IL1RAPL1: variants seen among roughly 807,000 people sequenced by gnomAD.
IL1RAPL1 encodes the protein interleukin 1 receptor accessory protein like 1.
In IL1RAPL1, 3 loss-of-function variants were observed where a neutral mutation model predicts 48.4. The observed-to-expected ratio is 0.06, with a 90% CI of 0.03 to 0.16. IL1RAPL1 has a LOEUF of 0.16. Among genes scored for constraint, IL1RAPL1 ranks in the 10% least tolerant of loss-of-function variants. The pLI is 1.00. For missense variants in IL1RAPL1, 349 were observed against 530.6 expected (o/e 0.66, Z 3.36); for synonymous variants, 185 against 187.7 (o/e 0.99, Z 0.12).
chrX:29,302,630 G>A (rs1347659031), intron 3 of IL1RAPL1, among the ~76,000 whole-genome samples: 1 of 111,854 alleles, frequency 8.9e-6, no homozygotes, highest in Non-Finnish European at 1.9e-5. Flanking sequence ...GGTACAAAAC[G>A]GGAGAGCTGA....
intron 6 of IL1RAPL1, among the ~76,000 whole-genome samples, chrX:29,802,770 T>TGTATAC (rs1569172636): frequency 1.1e-3 from 27 of 25,663 alleles, no homozygotes; most frequent in African/African-American, 5.6e-3. Context: ...TATATATATA[T>TGTATAC]ATATATATAT....
chrX:28,959,797 G>A (rs1924719407), intron 2 of IL1RAPL1, among the ~76,000 whole-genome samples: 2 of 111,700 alleles, frequency 1.8e-5, no homozygotes, highest in African/African-American at 6.5e-5. Flanking sequence ...CTGAATCACT[G>A]ATTTGATTTT....
At chrX:29,521,792 A>T (rs1015932392) in intron 5 of IL1RAPL1, among the ~76,000 whole-genome samples, 2 of 112,052 alleles carry the variant, frequency 1.8e-5, no homozygotes, top group African/African-American at 6.5e-5. Flanking sequence ...GCTCCCTATA[A>T]TACTTTAAAT....
chrX:29,632,621 C>G (rs1924817583), intron 5 of IL1RAPL1, among the ~76,000 whole-genome samples: 1 of 111,886 alleles, frequency 8.9e-6, no homozygotes, highest in Admixed American at 9.5e-5. Flanking sequence ...AAATAGCATT[C>G]TTAATCTTAT....
At chrX:29,795,769 T>G (rs762821265) in intron 6 of IL1RAPL1, among the ~76,000 whole-genome samples, 1 of 112,907 alleles carries the variant, frequency 8.9e-6, no homozygotes, top group Admixed American at 9.3e-5. Flanking sequence ...AGAAATGTGT[T>G]GGTTGTTGAA....
At chrX:28,834,025 G>A (rs984146365) in intron 2 of IL1RAPL1, among the ~76,000 whole-genome samples, 4 of 111,979 alleles carry the variant, frequency 3.6e-5, no homozygotes, top group Non-Finnish European at 5.7e-5. Flanking sequence ...AAGTTTTCTT[G>A]TAATGAAATG....
intron 2 of IL1RAPL1, among the ~76,000 whole-genome samples, chrX:29,069,671 C>CA (rs1927524448): frequency 1.6e-5 from 1 of 63,856 alleles, no homozygotes; most frequent in African/African-American, 4.4e-5. Flanking sequence ...ACACACACAC[C>CA]CCTCCCCTTC....
intron 3 of IL1RAPL1, among the ~76,000 whole-genome samples, chrX:29,338,703 C>A (rs1044949922): frequency 9.0e-6 from 1 of 111,051 alleles, no homozygotes; most frequent in African/African-American, 3.3e-5. Context: ...CCCTCATCCC[C>A]TTCTTCTCTT....
At chrX:29,136,550 G>A (rs1328815339) in intron 2 of IL1RAPL1, among the ~76,000 whole-genome samples, 1 of 111,318 alleles carries the variant, frequency 9.0e-6, no homozygotes, top group Non-Finnish European at 1.9e-5. Flanking sequence ...ATTCTGGAGT[G>A]TAGTAGTGTG....
At chrX:29,208,005 AG>A (rs1290768240) in intron 2 of IL1RAPL1, among the ~76,000 whole-genome samples, 2 of 111,874 alleles carry the variant, frequency 1.8e-5, no homozygotes, top group African/African-American at 6.5e-5. Flanking sequence ...GAAATATGCA[AG>A]AGAGACAATT....
At position 29,194,625 on chromosome X, in the gene IL1RAPL1, C is replaced by T. The variant is rs183179436; in HGVS notation, c.83-88313C>T. Among the ~76,000 whole-genome samples, 11 of 111,952 alleles carry T rather than the reference C, an allele frequency of 9.8e-5. No individual in the cohort carries two copies. In the South Asian group the frequency reaches 1.1e-3, roughly 11 times the overall value. On this transcript the variant is annotated intron_variant, in intron 2 of 10. Transcript: ENST00000378993. ...GTGTTTCAGGTAAAAATATTTAAAA[C>T]GAGATTTGGTCTATAAAAAGTTGTT...
chrX:28,813,697 C>G (rs751487111), intron 2 of IL1RAPL1, among the ~76,000 whole-genome samples: 1 of 110,755 alleles, frequency 9.0e-6, no homozygotes, highest in African/African-American at 3.3e-5. Flanking sequence ...GCCCGTGGAG[C>G]TTGATGTGCT....
chrX:29,503,581 T>G (rs1252843778), intron 5 of IL1RAPL1, among the ~76,000 whole-genome samples: 1 of 112,158 alleles, frequency 8.9e-6, no homozygotes, highest in Middle Eastern at 4.6e-3. Context: ...AAGTTTTCAG[T>G]TGCCCTTTTA....
chrX:29,737,289 T>C (rs1186960949), intron 6 of IL1RAPL1, among the ~76,000 whole-genome samples: 1 of 111,669 alleles, frequency 9.0e-6, no homozygotes, highest in Non-Finnish European at 1.9e-5. Flanking sequence ...ACAATCAAGA[T>C]GGTTTGTAGA....
At chrX:29,713,117 A>G (rs1927394338) in intron 6 of IL1RAPL1, among the ~76,000 whole-genome samples, 1 of 111,983 alleles carries the variant, frequency 8.9e-6, no homozygotes, top group South Asian at 3.7e-4. Context: ...AATATTTATG[A>G]AGTACATACA....
At chrX:29,939,000 C>T (rs918246358) in intron 8 of IL1RAPL1, among the ~76,000 whole-genome samples, 1 of 112,206 alleles carries the variant, frequency 8.9e-6, no homozygotes, top group Non-Finnish European at 1.9e-5. Context: ...TTTAAGTTGT[C>T]TCTATTTGTG....
chrX:29,892,842 T>C (rs1305840189), intron 6 of IL1RAPL1, among the ~76,000 whole-genome samples: 1 of 112,241 alleles, frequency 8.9e-6, no homozygotes, highest in East Asian at 2.8e-4. Flanking sequence ...TTTACATAGA[T>C]TAACCTTGAG....
At chrX:28,738,126 T>G (rs911488938) in intron 1 of IL1RAPL1, among the ~76,000 whole-genome samples, 19 of 111,292 alleles carry the variant, frequency 1.7e-4, no homozygotes, top group Non-Finnish European at 3.2e-4. Flanking sequence ...TATACATTTC[T>G]TTGCATGTTT....
intron 5 of IL1RAPL1, among the ~76,000 whole-genome samples, chrX:29,592,874 C>T (rs1022859906): frequency 8.9e-6 from 1 of 111,792 alleles, no homozygotes; most frequent in Non-Finnish European, 1.9e-5. Context: ...GCTCCTTGCA[C>T]CAGGCCCACA....
Sources: allele counts gnomAD v4.1 joint callset (sites outside exome capture counted in the v4.1 genomes callset), GRCh38; gene constraint gnomAD v4.1.1; transcripts MANE v1.5; gene names NCBI Gene and HGNC (gene_info 2026-07-23, HGNC 2026-07-21).